CACNB2: variants seen among roughly 807,000 people sequenced by gnomAD.
The protein encoded by CACNB2 is calcium voltage-gated channel auxiliary subunit beta 2.
CACNB2 carries 42 observed loss-of-function variants against 73.3 expected under a neutral mutation model. That is an observed-to-expected ratio of 0.57 (90% CI 0.45 to 0.74). The LOEUF (loss-of-function observed/expected upper bound fraction) is 0.74, where lower values mean the gene tolerates loss of function less well. Ranked by LOEUF, CACNB2 falls within the 30% of genes least tolerant of loss-of-function variation. The pLI is 0.00. For synonymous variants in CACNB2, 348 were observed against 310.3 expected (o/e 1.12, Z -1.28); for missense variants, 940 against 853.0 (o/e 1.10, Z -1.27).
At chr10:18,390,886 C>T (rs2043438082) in intron 2 of CACNB2, among the ~76,000 whole-genome samples, 1 of 152,138 alleles carries the variant, frequency 6.6e-6, no homozygotes, top group South Asian at 2.1e-4. Flanking sequence ...GAGAATTAGC[C>T]AGAGAATTAT....
chr10:18,288,676 T>TATACACACACACACACACAC lies in CACNB2; in HGVS notation c.214-113247_214-113246insTACACACACACACACACACA, dbSNP rs1554785394. Among the ~76,000 whole-genome samples, 221 of 144,418 alleles carry TATACACACACACACACACAC rather than the reference T, an allele frequency of 1.5e-3. 1 individual carries two copies. The highest frequency in any genetic ancestry group is 5.5e-3 in the African/African-American group (211 of 38,332). 94.7% of individuals were successfully genotyped at this position (144,418 alleles called of 152,430 possible). Reference sequence around the variant, plus strand: ...AGCAAGATGCAGCAAATGAGATTTATACACACACACACACACACACACACA... The same window carrying TATACACACACACACACACAC: ...AGCAAGATGCAGCAAATGAGATTTATATACACACACACACACACACACACACACACACACACACACACACA... On this transcript the variant is annotated intron_variant, in intron 2 of 13. Transcript: ENST00000324631.
chr10:18,315,197 G>T (rs1358910545), intron 2 of CACNB2, among the ~76,000 whole-genome samples: 2 of 151,910 alleles, frequency 1.3e-5, no homozygotes, highest in Non-Finnish European at 2.9e-5. Flanking sequence ...AGCAGGGTGT[G>T]GTGGCACACA....
At chr10:18,217,357 G>A (rs532458678) in intron 2 of CACNB2, among the ~76,000 whole-genome samples, 7 of 152,084 alleles carry the variant, frequency 4.6e-5, no homozygotes, top group African/African-American at 1.7e-4. Context: ...AGTGGTGTGC[G>A]CCTATAGACC....
At chr10:18,318,316 C>T (rs112475801) in intron 2 of CACNB2, among the ~76,000 whole-genome samples, 18 of 152,066 alleles carry the variant, frequency 1.2e-4, no homozygotes, top group Middle Eastern at 3.4e-3. Context: ...TCAGAAATAA[C>T]GCTGCATGTC....
At chr10:18,197,114 T>C (rs978907486) in intron 2 of CACNB2, among the ~76,000 whole-genome samples, 1 of 152,132 alleles carries the variant, frequency 6.6e-6, no homozygotes, top group Non-Finnish European at 1.5e-5. Flanking sequence ...TTCCCTATAA[T>C]GATCATGACA....
chr10:18,418,697 A>G (rs1380445244), intron 3 of CACNB2, among the ~76,000 whole-genome samples: 2 of 152,116 alleles, frequency 1.3e-5, no homozygotes, highest in Non-Finnish European at 2.9e-5. Context: ...CTCACTGCCG[A>G]TTTCTGTATG....
At chr10:18,307,033 A>G (rs2039755662) in intron 2 of CACNB2, among the ~76,000 whole-genome samples, 1 of 152,148 alleles carries the variant, frequency 6.6e-6, no homozygotes, top group Non-Finnish European at 1.5e-5. Flanking sequence ...GAGGAAAGAC[A>G]AGGTCCAAGG....
chr10:18,373,394 C>G (rs190194026), intron 2 of CACNB2, among the ~76,000 whole-genome samples: 1 of 152,160 alleles, frequency 6.6e-6, no homozygotes, highest in Non-Finnish European at 1.5e-5. Flanking sequence ...CTTCAACCCA[C>G]CATGATGATA....
At chr10:18,260,872 G>C in intron 2 of CACNB2, 3 of 1,094,566 alleles carry the variant, frequency 2.7e-6, no homozygotes, top group Non-Finnish European at 3.4e-6. Flanking sequence ...ACACTCAGAT[G>C]TTTGAAAATC....
intron 2 of CACNB2, among the ~76,000 whole-genome samples, chr10:18,339,872 C>T (rs1033475042): frequency 1.3e-5 from 2 of 152,142 alleles, no homozygotes; most frequent in African/African-American, 4.8e-5. Context: ...AAACAGGTGG[C>T]TGACTGAGCT....
intron 2 of CACNB2, among the ~76,000 whole-genome samples, chr10:18,398,942 G>C (rs887140064): frequency 6.6e-5 from 10 of 152,140 alleles, no homozygotes; most frequent in Non-Finnish European, 1.0e-4. Context: ...AGCTCCATCT[G>C]AATATTAGCA....
intron 2 of CACNB2, among the ~76,000 whole-genome samples, chr10:18,397,460 C>T (rs1184383389): frequency 6.7e-6 from 1 of 150,160 alleles, no homozygotes; most frequent in Non-Finnish European, 1.5e-5. Flanking sequence ...GTGAGACTAT[C>T]TCAAAAAAGA....
At chr10:18,322,219 G>A (rs533706124) in intron 2 of CACNB2, among the ~76,000 whole-genome samples, 1 of 152,104 alleles carries the variant, frequency 6.6e-6, no homozygotes, top group Non-Finnish European at 1.5e-5. Flanking sequence ...AGAAATCAGA[G>A]AGTATTAACT....
At chr10:18,203,143 A>G (rs1482053139) in intron 2 of CACNB2, among the ~76,000 whole-genome samples, 1 of 152,192 alleles carries the variant, frequency 6.6e-6, no homozygotes, top group African/African-American at 2.4e-5. Context: ...CAGCATCTAG[A>G]TCCAATTCTT....
chr10:18,422,736 C>G (rs541408433), intron 3 of CACNB2, among the ~76,000 whole-genome samples: 1 of 152,262 alleles, frequency 6.6e-6, no homozygotes. Context: ...TCTTGTCACC[C>G]AGGCTGTAGT....
At chr10:18,320,164 C>T (rs1232823565) in intron 2 of CACNB2, among the ~76,000 whole-genome samples, 1 of 152,140 alleles carries the variant, frequency 6.6e-6, no homozygotes, top group Non-Finnish European at 1.5e-5. Flanking sequence ...AATTAATTTC[C>T]CCCTCTTTGA....
chr10:18,246,921 G>C (rs994690831), intron 2 of CACNB2, among the ~76,000 whole-genome samples: 1 of 152,094 alleles, frequency 6.6e-6, no homozygotes, highest in Non-Finnish European at 1.5e-5. Context: ...CCATCCAGTT[G>C]TTTTAAACCT....
chr10:18,342,925 C>G (rs1055862014), intron 2 of CACNB2, among the ~76,000 whole-genome samples: 7 of 151,958 alleles, frequency 4.6e-5, no homozygotes, highest in Non-Finnish European at 8.8e-5. Context: ...TATTTTTGTT[C>G]TAATCGCAAG....
chr10:18,395,347 A>G (rs2043666057), intron 2 of CACNB2, among the ~76,000 whole-genome samples: 1 of 152,100 alleles, frequency 6.6e-6, no homozygotes, highest in Non-Finnish European at 1.5e-5. Context: ...GCAGACTGTC[A>G]TCTCATTACT....
Sources: allele counts gnomAD v4.1 joint callset (sites outside exome capture counted in the v4.1 genomes callset), GRCh38; gene constraint gnomAD v4.1.1; transcripts MANE v1.5; gene names NCBI Gene and HGNC (gene_info 2026-07-23, HGNC 2026-07-21).